Variants in RAB38 observed in about 807,000 individuals in gnomAD.
The protein encoded by RAB38 is RAB38, member RAS oncogene family.
A neutral mutation model predicts 18.4 loss-of-function variants in RAB38; 15 were observed. That is an observed-to-expected ratio of 0.82 (90% CI 0.55 to 1.26). The LOEUF is 1.26. Among genes scored for constraint, RAB38 ranks in the 50% most tolerant of loss-of-function variants. The probability of loss-of-function intolerance (pLI) is 0.00; values close to 1 mark genes in which losing one functional copy is unlikely to be tolerated. For synonymous variants in RAB38, 101 were observed against 104.4 expected, an observed-to-expected ratio of 0.97 and a Z score of 0.20; for missense variants, 294 against 267.4, an observed-to-expected ratio of 1.10 and a Z score of -0.69.
At chr11:88,091,487 C>T in the RAB38 span, among the ~76,000 whole-genome samples, 1 of 152,002 alleles carries the variant, frequency 6.6e-6, no homozygotes, top group Non-Finnish European at 1.5e-5. Context: ...TCACCAATTG[C>T]CACCTCTTGC....
At chr11:87,950,483 A>G in the RAB38 span, among the ~76,000 whole-genome samples, 12 of 152,110 alleles carry the variant, frequency 7.9e-5, no homozygotes, top group African/African-American at 2.7e-4. Flanking sequence ...CCTAGCCTCA[A>G]TGGTCTTTAC....
intron 1 of RAB38, among the ~76,000 whole-genome samples, chr11:88,168,118 G>A (rs1323147345): frequency 6.6e-6 from 1 of 152,070 alleles, no homozygotes; most frequent in Non-Finnish European, 1.5e-5. Context: ...CTTTTACTAA[G>A]CAACAATTAT....
chr11:88,024,401 A>G, the RAB38 span, among the ~76,000 whole-genome samples: 1 of 152,182 alleles, frequency 6.6e-6, no homozygotes, highest in African/African-American at 2.4e-5. Flanking sequence ...GCTGGGGAAG[A>G]TATGGAGAAA....
chr11:88,098,449 C>G, the RAB38 span: 1 of 151,970 alleles, frequency 6.6e-6, no homozygotes, highest in African/African-American at 2.4e-5. Context: ...CTCTCAGTAG[C>G]AGGACATATT....
the RAB38 span, among the ~76,000 whole-genome samples, chr11:87,949,521 G>A: frequency 6.6e-6 from 1 of 152,084 alleles, no homozygotes; most frequent in Admixed American, 6.5e-5. Flanking sequence ...TCTCTTGTGG[G>A]CATTTAGTGC....
chr11:88,030,124 T>C, the RAB38 span, among the ~76,000 whole-genome samples: 1 of 152,114 alleles, frequency 6.6e-6, no homozygotes, highest in African/African-American at 2.4e-5. Flanking sequence ...TGCTCCTGAA[T>C]GACTACTGGG....
At chr11:87,898,916 A>G in the RAB38 span, among the ~76,000 whole-genome samples, 5 of 151,770 alleles carry the variant, frequency 3.3e-5, no homozygotes, top group Admixed American at 3.3e-4. Flanking sequence ...TCACACTTTT[A>G]GAGCTTCACT....
At chr11:87,870,491 C>A in the RAB38 span, among the ~76,000 whole-genome samples, 2 of 151,488 alleles carry the variant, frequency 1.3e-5, no homozygotes, top group African/African-American at 4.8e-5. Context: ...AGTCTACACA[C>A]ATTTCTCATC....
chr11:87,809,470 G>A, the RAB38 span, among the ~76,000 whole-genome samples: 10 of 152,238 alleles, frequency 6.6e-5, no homozygotes, highest in East Asian at 9.6e-4. Context: ...GCCAAGTCAC[G>A]GTCTCTGACT....
the RAB38 span, among the ~76,000 whole-genome samples, chr11:88,092,368 GA>G: frequency 5.4e-5 from 1 of 18,382 alleles, no homozygotes; most frequent in Non-Finnish European, 2.2e-4. Flanking sequence ...GAGAGAGAGA[GA>G]GAGAGAGAGA....
At chr11:87,950,772 C>G in the RAB38 span, among the ~76,000 whole-genome samples, 3 of 152,208 alleles carry the variant, frequency 2.0e-5, no homozygotes, top group Non-Finnish European at 2.9e-5. Flanking sequence ...GTCTGATGGC[C>G]TTCCCTTTGT....
the RAB38 span, among the ~76,000 whole-genome samples, chr11:87,830,520 G>T: frequency 6.6e-6 from 1 of 151,498 alleles, no homozygotes; most frequent in Admixed American, 6.6e-5. Context: ...AATGGATAAT[G>T]TTTATTGAGT....
the RAB38 span, among the ~76,000 whole-genome samples, chr11:87,844,870 C>T: frequency 6.6e-6 from 1 of 152,160 alleles, no homozygotes; most frequent in Non-Finnish European, 1.5e-5. Context: ...AGATTTGAAT[C>T]ACTAGCACAA....
At chr11:87,897,163 C>A in the RAB38 span, among the ~76,000 whole-genome samples, 2 of 151,528 alleles carry the variant, frequency 1.3e-5, no homozygotes, top group Admixed American at 1.3e-4. Context: ...TTAACCCCCC[C>A]CAAACCAATG....
chr11:87,811,939 GA>G, the RAB38 span, among the ~76,000 whole-genome samples: 1 of 152,136 alleles, frequency 6.6e-6, no homozygotes, highest in Non-Finnish European at 1.5e-5. Flanking sequence ...TAATTTTAGT[GA>G]GCCATCTGAA....
chr11:88,052,588 C>A, the RAB38 span, among the ~76,000 whole-genome samples: 1 of 151,972 alleles, frequency 6.6e-6, no homozygotes, highest in East Asian at 1.9e-4. Context: ...AATAGATACT[C>A]TCTTTTTTAA....
At chr11:87,845,729 A>C in the RAB38 span, among the ~76,000 whole-genome samples, 1 of 152,136 alleles carries the variant, frequency 6.6e-6, no homozygotes, top group Non-Finnish European at 1.5e-5. Flanking sequence ...CAAAGACAGC[A>C]ACACTAGACA....
the RAB38 span, among the ~76,000 whole-genome samples, chr11:88,003,880 A>ATATAAAG: frequency 3.8e-3 from 63 of 16,738 alleles, 12 homozygotes; most frequent in East Asian, 0.053. Context: ...ATATATTTAT[A>ATATAAAG]TATATAATTA....
At chr11:87,940,637 A>G in the RAB38 span, among the ~76,000 whole-genome samples, 5 of 151,892 alleles carry the variant, frequency 3.3e-5, no homozygotes. Flanking sequence ...TATGACAGAG[A>G]GAGAGAGAAA....
Sources: gnomAD v4.1 joint callset for allele counts (sites outside exome capture counted in the v4.1 genomes callset) on GRCh38, gnomAD v4.1.1 for gene constraint, MANE v1.5 for transcripts, NCBI Gene and HGNC (gene_info 2026-07-23, HGNC 2026-07-21) for gene names.